The following CRADD variants were observed in gnomAD, a reference collection of about 807,000 sequenced individuals.
CRADD encodes CARD and death domain containing adaptor protein.
In CRADD, 9 loss-of-function variants were observed where a neutral mutation model predicts 15.5. That is an observed-to-expected ratio of 0.58 (90% CI 0.35 to 1.01). The LOEUF is 1.01. Among genes scored for constraint, CRADD ranks in the 50% least tolerant of loss-of-function variants. CRADD has a pLI of 0.02. For synonymous variants in CRADD, 118 were observed against 107.6 expected (o/e 1.10, Z -0.60); for missense variants, 227 against 250.3 (o/e 0.91, Z 0.63).
chr12:93,717,501 T>C (rs894058944), intron 2 of CRADD, among the ~76,000 whole-genome samples: 1 of 152,182 alleles, frequency 6.6e-6, no homozygotes, highest in Non-Finnish European at 1.5e-5. Flanking sequence ...TTTAAAGTTT[T>C]GTGTTTTACA....
chr12:93,828,649 G>C (rs1362118932), intron 2 of CRADD, among the ~76,000 whole-genome samples: 7 of 152,192 alleles, frequency 4.6e-5, no homozygotes, highest in Non-Finnish European at 8.8e-5. Flanking sequence ...TTCCACATGG[G>C]TGTAAATCTA....
intron 2 of CRADD, among the ~76,000 whole-genome samples, chr12:93,872,757 T>C (rs1460613677): frequency 6.6e-6 from 1 of 152,168 alleles, no homozygotes; most frequent in Non-Finnish European, 1.5e-5. Flanking sequence ...TTCTGTTCCA[T>C]TGGTCTATGT....
chr12:93,767,640 T>G (rs1957039928), intron 2 of CRADD, among the ~76,000 whole-genome samples: 2 of 152,206 alleles, frequency 1.3e-5, no homozygotes, highest in Non-Finnish European at 2.9e-5. Context: ...CACCCAAGGA[T>G]GTACACCTAG....
At position 93,803,902 on chromosome 12, in the gene CRADD, C is replaced by T. The variant is rs569325046; in HGVS notation, c.299-46068C>T. On this transcript the variant is annotated intron_variant, in intron 2 of 2. Coordinates refer to ENST00000332896, the MANE Select transcript of CRADD (RefSeq NM_003805.5). ...AAAGGGAGGAAAAGAGTGGATCAGACCGATGCGATGTGATGATTTGACCCA... is the reference window on the plus strand; with the variant it reads ...AAAGGGAGGAAAAGAGTGGATCAGATCGATGCGATGTGATGATTTGACCCA... Among the ~76,000 whole-genome samples the T allele has an allele frequency of 4.6e-5, 7 of 152,168 alleles. No individual in the cohort carries two copies. In the South Asian group the frequency reaches 1.0e-3, roughly 23 times the overall value.
At chr12:93,812,865 T>C (rs1957645320) in intron 2 of CRADD, among the ~76,000 whole-genome samples, 1 of 152,238 alleles carries the variant, frequency 6.6e-6, no homozygotes, top group Non-Finnish European at 1.5e-5. Context: ...TATCGCAATA[T>C]ACCGCATCTT....
chr12:93,746,707 G>GATTTAACCCA (rs916548657), intron 2 of CRADD, among the ~76,000 whole-genome samples: 2 of 151,992 alleles, frequency 1.3e-5, no homozygotes, highest in African/African-American at 4.8e-5. Context: ...AAGGTTCAAA[G>GATTTAACCCA]AGGTTAAATC....
At chr12:93,681,416 T>A (rs1433939612) in intron 2 of CRADD, among the ~76,000 whole-genome samples, 3 of 152,160 alleles carry the variant, frequency 2.0e-5, no homozygotes, top group Admixed American at 2.0e-4. Context: ...TGGAACAAAT[T>A]CGTACAGTCA....
chr12:93,710,959 A>G (rs1463926689), intron 2 of CRADD, among the ~76,000 whole-genome samples: 2 of 151,646 alleles, frequency 1.3e-5, no homozygotes, highest in East Asian at 3.9e-4. Flanking sequence ...AATTGTTTAT[A>G]GAGTGAATTG....
chr12:93,736,293 A>C (rs533539753), intron 2 of CRADD, among the ~76,000 whole-genome samples: 2 of 152,324 alleles, frequency 1.3e-5, no homozygotes, highest in South Asian at 4.1e-4. Context: ...AGTACATTGC[A>C]AAGGAACTAG....
chr12:93,745,057 T>C (rs943604551), intron 2 of CRADD, among the ~76,000 whole-genome samples: 6 of 152,228 alleles, frequency 3.9e-5, no homozygotes, highest in African/African-American at 1.4e-4. Context: ...TAGCTGCCAC[T>C]TACTCATATC....
chr12:93,828,894 TTTG>T (rs1425585341), intron 2 of CRADD, among the ~76,000 whole-genome samples: 13 of 152,210 alleles, frequency 8.5e-5, no homozygotes, highest in African/African-American at 1.2e-4. Flanking sequence ...TGGAAGTCAT[TTTG>T]ATCGGGAGTG....
intron 2 of CRADD, among the ~76,000 whole-genome samples, chr12:93,879,213 T>C (rs1958478227): frequency 6.6e-6 from 1 of 152,194 alleles, no homozygotes. Context: ...TTTTTAGTTT[T>C]TAAAGATTTC....
intron 2 of CRADD, among the ~76,000 whole-genome samples, chr12:93,721,125 C>T (rs1956253141): frequency 6.6e-6 from 1 of 152,114 alleles, no homozygotes; most frequent in Non-Finnish European, 1.5e-5. Context: ...AATGAAGTCT[C>T]AACTGTGTTG....
At position 93,824,811 on chromosome 12, in the gene CRADD, A is replaced by G. The variant is rs1364199619; in HGVS notation, c.299-25159A>G. On this transcript the variant is annotated intron_variant, in intron 2 of 2. Transcript: ENST00000332896. This position sits in a 1 kb window ranked among gnomAD's most constrained non-coding sequence, Gnocchi z 4.3. ...TTCTGTCCATGGAATGTGATAGCCC[A>G]GCAGGAGGTAAAAGCTGCCCCTGGA... Among the ~76,000 whole-genome samples the G allele has an allele frequency of 6.6e-6, 1 of 152,174 alleles. No individual in the cohort carries two copies. The highest frequency in any genetic ancestry group is 6.5e-5 in the Admixed American group (1 of 15,272).
chr12:93,760,598 A>G (rs980957065), intron 2 of CRADD, among the ~76,000 whole-genome samples: 3 of 152,176 alleles, frequency 2.0e-5, no homozygotes, highest in Non-Finnish European at 2.9e-5. Flanking sequence ...AGTATGCCCA[A>G]TCAGAGCACA....
chr12:93,855,910 C>T (rs1282713348), intron 2 of CRADD, among the ~76,000 whole-genome samples: 1 of 152,226 alleles, frequency 6.6e-6, no homozygotes, highest in African/African-American at 2.4e-5. Context: ...CTCCACCTCC[C>T]TGGTTCAAGC....
intron 2 of CRADD, among the ~76,000 whole-genome samples, chr12:93,865,317 C>T (rs141967856): frequency 1.2e-4 from 19 of 152,338 alleles, no homozygotes; most frequent in African/African-American, 4.6e-4. Context: ...CCATGGCAGA[C>T]TTGTTCCAAG....
chr12:93,881,845 G>T (rs529792287), intron 2 of CRADD, among the ~76,000 whole-genome samples: 1 of 152,296 alleles, frequency 6.6e-6, no homozygotes, highest in South Asian at 2.1e-4. Flanking sequence ...AAATATATAG[G>T]CTGGGCGGGG....
chr12:93,780,242 A>T (rs918926201), intron 2 of CRADD, among the ~76,000 whole-genome samples: 3 of 152,246 alleles, frequency 2.0e-5, no homozygotes, highest in African/African-American at 7.2e-5. Context: ...GGAATGTGTA[A>T]CATAAACATA....
Sources: gnomAD v4.1 joint callset for allele counts (sites outside exome capture counted in the v4.1 genomes callset) on GRCh38, gnomAD v4.1.1 for gene constraint, Gnocchi (gnomAD v3.1) non-coding constraint, MANE v1.5 for transcripts, NCBI Gene and HGNC (gene_info 2026-07-23, HGNC 2026-07-21) for gene names.